The following MYOM1 variants were observed in gnomAD, a reference collection of about 807,000 sequenced individuals.
MYOM1 encodes myomesin 1, also known as myomesin-1.
MYOM1 carries 164 observed loss-of-function variants against 205.3 expected under a neutral mutation model. The ratio of observed to expected loss-of-function variants is 0.80; its 90% CI spans 0.70 to 0.91. The LOEUF (loss-of-function observed/expected upper bound fraction) is 0.91. Ranked by LOEUF, MYOM1 falls within the 40% of genes least tolerant of loss-of-function variation. The pLI is 0.00. For synonymous variants in MYOM1, 772 were observed against 789.4 expected, an observed-to-expected ratio of 0.98 and a Z score of 0.37; for missense variants, 2,011 against 2,127.3, an observed-to-expected ratio of 0.95 and a Z score of 1.08.
chr18:3,156,561 G>A (rs573022409), intron 10 of MYOM1, among the ~76,000 whole-genome samples: 2 of 151,916 alleles, frequency 1.3e-5, no homozygotes, highest in South Asian at 2.1e-4. Context: ...GAATCTCTGC[G>A]TGCCACTCAG....
chr18:3,197,629 G>T (rs181142640), intron 2 of MYOM1, among the ~76,000 whole-genome samples: 7,691 of 151,838 alleles, frequency 0.051, 231 homozygotes, highest in Middle Eastern at 0.071. Flanking sequence ...ATCCCAGCAC[G>T]TTGGGAGGCC....
At chr18:3,078,945 T>G (rs1336437813) in intron 34 of MYOM1, among the ~76,000 whole-genome samples, 1 of 150,376 alleles carries the variant, frequency 6.6e-6, no homozygotes, top group Non-Finnish European at 1.5e-5. Context: ...TAACTGGGAC[T>G]ACAGGTGTGT....
At chr18:3,070,607 G>C (rs997143216) in intron 37 of MYOM1, among the ~76,000 whole-genome samples, 3 of 152,164 alleles carry the variant, frequency 2.0e-5, no homozygotes, top group African/African-American at 7.2e-5. Context: ...CACAGTACTT[G>C]TTGGGGACAA....
At chr18:3,166,056 G>A (rs900668829) in intron 9 of MYOM1, among the ~76,000 whole-genome samples, 49 of 152,162 alleles carry the variant, frequency 3.2e-4, no homozygotes, top group African/African-American at 1.1e-3. Context: ...TATTTCCTCC[G>A]ATCATGTGCA....
intron 37 of MYOM1, among the ~76,000 whole-genome samples, chr18:3,069,174 T>C (rs749256033): frequency 6.6e-5 from 10 of 152,212 alleles, no homozygotes; most frequent in Non-Finnish European, 4.4e-5. Flanking sequence ...GTGATTCGGT[T>C]TCTCCACAGC....
chr18:3,075,693 G>GC lies in MYOM1; in HGVS notation c.4685+31dup, dbSNP rs753385293. 46 of 1,598,028 alleles carry GC rather than the reference G, an allele frequency of 2.9e-5. No homozygotes were observed. The South Asian group carries it at 4.8e-4, about 17-fold the overall frequency. On this transcript the variant is annotated intron_variant, in intron 35 of 37. Coordinates refer to ENST00000356443, the MANE Select transcript of MYOM1 (RefSeq NM_003803.4). The stretch of plus-strand genomic sequence containing the variant: ...CAAGCTTCCCGGGAAATTAGTGCAT[G>GC]CAAGTGGCATTTGCTAGGACCAGGG...
At chr18:3,231,215 T>C in the MYOM1 span, among the ~76,000 whole-genome samples, 12 of 152,144 alleles carry the variant, frequency 7.9e-5, no homozygotes, top group Non-Finnish European at 1.5e-5. Flanking sequence ...CCGTAAGAAT[T>C]TGAATTTGAA....
At chr18:3,119,702 C>G (rs1226963113) in intron 20 of MYOM1, among the ~76,000 whole-genome samples, 167 bp downstream of exon 20, 10 of 152,148 alleles carry the variant, frequency 6.6e-5, no homozygotes, top group Admixed American at 6.5e-4. Context: ...ACATTGCTAC[C>G]TATTATTTAA....
chr18:3,086,913 G>A (rs1359903081), intron 29 of MYOM1, among the ~76,000 whole-genome samples: 2 of 152,154 alleles, frequency 1.3e-5, no homozygotes, highest in Non-Finnish European at 2.9e-5. Context: ...ATTCCCCAAA[G>A]AGAAAATACA....
chr18:3,241,096 T>C, the MYOM1 span, among the ~76,000 whole-genome samples: 2 of 152,240 alleles, frequency 1.3e-5, no homozygotes, highest in Admixed American at 6.5e-5. Context: ...TCTGGAAAAT[T>C]TGCAGCCTGA....
chr18:3,246,888 G>C, the MYOM1 span: 1 of 152,216 alleles, frequency 6.6e-6, no homozygotes, highest in Non-Finnish European at 1.5e-5. Flanking sequence ...GGCGGAAAAA[G>C]ATAAAGTCGG....
upstream of MYOM1, among the ~76,000 whole-genome samples, chr18:3,222,796 T>A (rs2081337421): frequency 6.6e-6 from 1 of 152,194 alleles, no homozygotes; most frequent in Admixed American, 6.5e-5. Context: ...TATAGGAGGC[T>A]ATGCTCTGTG....
chr18:3,089,337 C>A, intron 28 of MYOM1, 96 bp from the exon 29 acceptor site: 2 of 1,005,456 alleles, frequency 2.0e-6, no homozygotes, highest in South Asian at 1.7e-5. Context: ...CATCTGAAGT[C>A]AGATTTTTAA....
the MYOM1 span, among the ~76,000 whole-genome samples, chr18:3,239,263 T>C: frequency 6.6e-6 from 1 of 152,096 alleles, no homozygotes; most frequent in East Asian, 1.9e-4. Flanking sequence ...CAAGGAGAGT[T>C]CCTCTCTAGT....
rs2079563440 is a variant in MYOM1 at position 3,113,746 on chromosome 18, C to CTACGT, written c.3304-1335_3304-1334insACGTA. Among the ~76,000 whole-genome samples the CTACGT allele has an allele frequency of 2.7e-4, 9 of 32,864 alleles. No individual in the cohort carries two copies. The South Asian group carries it at 0.012, about 43-fold the overall frequency. 21.6% of individuals were successfully genotyped at this position (32,864 alleles called of 152,430 possible). A position where few individuals can be genotyped will look rare whatever the true frequency, so the allele number is the denominator to read the frequency against. On this transcript the variant is annotated intron_variant, in intron 21 of 37. Coordinates refer to ENST00000356443, the MANE Select transcript of MYOM1 (RefSeq NM_003803.4). ...TTTAAAAACATGTGACTTTTAAAAG[C>CTACGT]TATGTTATAAGAAGGAATTTATTAC...
chr18:3,151,609 A>G, intron 12 of MYOM1, 85 bp downstream of exon 12: 1 of 1,243,570 alleles, frequency 8.0e-7, no homozygotes, highest in Admixed American at 2.4e-5. Context: ...AGTGGAAGGG[A>G]GAGAAACAAC....
At chr18:3,070,806 G>C (rs8088799) in intron 37 of MYOM1, among the ~76,000 whole-genome samples, 19,334 of 151,550 alleles carry the variant, frequency 0.13, 1,411 homozygotes, top group African/African-American at 0.19. Flanking sequence ...CAGGGTGTCT[G>C]TCGCCCGGGC....
the MYOM1 span, among the ~76,000 whole-genome samples, chr18:3,233,237 C>T: frequency 6.6e-6 from 1 of 152,218 alleles, no homozygotes; most frequent in East Asian, 1.9e-4. Flanking sequence ...TAACAACATT[C>T]ATCTGGTTGA....
intron 37 of MYOM1, among the ~76,000 whole-genome samples, chr18:3,069,333 A>C (rs2078934903): frequency 2.0e-5 from 3 of 152,222 alleles, no homozygotes. Flanking sequence ...ACATTTTAAA[A>C]TTCCATTCTT....
Sources: allele counts gnomAD v4.1 joint callset (sites outside exome capture counted in the v4.1 genomes callset), GRCh38; gene constraint gnomAD v4.1.1; transcripts MANE v1.5; gene names NCBI Gene and HGNC (gene_info 2026-07-23, HGNC 2026-07-21).